LRP1B: variants seen among roughly 807,000 people sequenced by gnomAD.
The protein encoded by LRP1B is low-density lipoprotein receptor-related protein 1B.
In LRP1B, 217 loss-of-function variants were observed where a neutral mutation model predicts 556.6. That is an observed-to-expected ratio of 0.39 (90% CI 0.35 to 0.44). The LOEUF is 0.44. Among genes scored for constraint, LRP1B ranks in the 20% least tolerant of loss-of-function variants. The pLI is 1.00. For missense variants in LRP1B, 5,053 were observed against 5,620.8 expected, an observed-to-expected ratio of 0.90 and a Z score of 3.23; for synonymous variants, 2,047 against 1,865.8, an observed-to-expected ratio of 1.10 and a Z score of -2.50.
intron 2 of LRP1B, among the ~76,000 whole-genome samples, chr2:141,571,790 G>T (rs1043402290): frequency 3.3e-5 from 5 of 151,764 alleles, no homozygotes; most frequent in African/African-American, 1.2e-4. Flanking sequence ...TTATACACAG[G>T]TATCAACAGC....
chr2:141,926,916 T>C (rs1031128984), intron 1 of LRP1B, among the ~76,000 whole-genome samples: 1 of 152,168 alleles, frequency 6.6e-6, no homozygotes, highest in African/African-American at 2.4e-5. Flanking sequence ...AAAGAATGTA[T>C]GTACATATGA....
At chr2:141,874,283 C>T (rs942517567) in intron 1 of LRP1B, among the ~76,000 whole-genome samples, 2 of 151,596 alleles carry the variant, frequency 1.3e-5, no homozygotes, top group African/African-American at 2.4e-5. Context: ...CTGTTGATCA[C>T]AATTTTACTA....
At position 141,127,062 on chromosome 2, in the gene LRP1B, A is replaced by G. The variant is rs1377965393; in HGVS notation, c.1013+61359T>C. Among the ~76,000 whole-genome samples the G allele has an allele frequency of 2.9e-5, 4 of 139,182 alleles. No individual in the cohort carries two copies. The East Asian group carries it at 6.3e-4, about 22-fold the overall frequency. The allele number at this position is 139,182 out of a possible 152,430, so 91.3% of individuals were successfully genotyped here. A position where few individuals can be genotyped will look rare whatever the true frequency, so the allele number is the denominator to read the frequency against. On this transcript the variant is annotated intron_variant, in intron 7 of 90. Transcript: ENST00000389484. ...GTGTGATGTTCCCCTCCCTGTGTCC[A>G]TGTGTTCTCATTGTTCAGCTCTCAC...
At chr2:140,294,972 G>T (rs1683541162) in intron 84 of LRP1B, among the ~76,000 whole-genome samples, 1 of 152,140 alleles carries the variant, frequency 6.6e-6, no homozygotes, top group Admixed American at 6.5e-5. Context: ...CACCTCCTGG[G>T]TTCACGCCAT....
At chr2:141,584,649 C>T (rs1687067534) in intron 2 of LRP1B, among the ~76,000 whole-genome samples, 1 of 152,116 alleles carries the variant, frequency 6.6e-6, no homozygotes, top group African/African-American at 2.4e-5. Flanking sequence ...CCTTCAAACA[C>T]ACACACAACT....
chr2:140,379,331 C>T (rs935691851), intron 67 of LRP1B, among the ~76,000 whole-genome samples: 1 of 152,152 alleles, frequency 6.6e-6, no homozygotes, highest in Non-Finnish European at 1.5e-5. Flanking sequence ...TACACAATCC[C>T]TTGGTTTCTA....
intron 1 of LRP1B, among the ~76,000 whole-genome samples, chr2:141,837,538 C>G (rs1225175181): frequency 6.6e-6 from 1 of 152,018 alleles, no homozygotes. Context: ...GCTAGAAGCA[C>G]TAATTGATTA....
At chr2:141,474,998 C>G (rs900724146) in intron 3 of LRP1B, among the ~76,000 whole-genome samples, 4 of 152,122 alleles carry the variant, frequency 2.6e-5, no homozygotes, top group African/African-American at 9.7e-5. Context: ...TTTCACTGAC[C>G]TCTGAACTTT....
chr2:141,529,984 C>T (rs1348611356), intron 2 of LRP1B, among the ~76,000 whole-genome samples: 1 of 152,086 alleles, frequency 6.6e-6, no homozygotes, highest in African/African-American at 2.4e-5. Context: ...TGATATACAG[C>T]AAGGACATCA....
At chr2:141,492,470 A>G (rs1387647652) in intron 2 of LRP1B, among the ~76,000 whole-genome samples, 4 of 152,174 alleles carry the variant, frequency 2.6e-5, no homozygotes, top group African/African-American at 7.2e-5. Flanking sequence ...GACAATGTGT[A>G]GAAAGATCTG....
At chr2:140,483,186 A>C (rs1339964858) in intron 59 of LRP1B, among the ~76,000 whole-genome samples, 1 of 152,292 alleles carries the variant, frequency 6.6e-6, no homozygotes, top group Admixed American at 6.5e-5. Context: ...TGACATATCT[A>C]TATCATAATC....
At chr2:142,109,411 G>C (rs1706880503) in intron 1 of LRP1B, among the ~76,000 whole-genome samples, 1 of 152,086 alleles carries the variant, frequency 6.6e-6, no homozygotes, top group Non-Finnish European at 1.5e-5. Context: ...TAACTCACTT[G>C]AACACCCTAG....
chr2:140,606,245 A>G (rs1450525072), intron 41 of LRP1B, among the ~76,000 whole-genome samples: 1 of 152,014 alleles, frequency 6.6e-6, no homozygotes, highest in Non-Finnish European at 1.5e-5. Context: ...AAATGACATT[A>G]AAAAGACAAT....
intron 2 of LRP1B, among the ~76,000 whole-genome samples, chr2:141,513,315 T>C (rs1574031742): frequency 6.6e-6 from 1 of 152,240 alleles, no homozygotes; most frequent in East Asian, 1.9e-4. Context: ...TTGGCTTTTA[T>C]AGAAATTAAT....
At chr2:141,346,733 C>T (rs1305805231) in intron 3 of LRP1B, among the ~76,000 whole-genome samples, 1 of 152,176 alleles carries the variant, frequency 6.6e-6, no homozygotes, top group Non-Finnish European at 1.5e-5. Flanking sequence ...TGAGAAGCAT[C>T]TTGTGCCATC....
rs146125832 is a variant in LRP1B, at chr2:140,349,754, C to T, written c.11892+1043G>A. ...AAGCAGATTTCTGTTTTAGAGCTAA[C>T]GAAAGTTAATGTTAGCTATTGTGTT... On this transcript the variant is annotated intron_variant, in intron 77 of 90. Coordinates refer to ENST00000389484, the MANE Select transcript of LRP1B (RefSeq NM_018557.3). Among the ~76,000 whole-genome samples the T allele has an allele frequency of 1.2e-4, 19 of 152,064 alleles. No homozygotes were observed. The East Asian group carries it at 3.1e-3, about 25-fold the overall frequency.
chr2:140,813,605 A>G (rs1691002508), intron 32 of LRP1B, 52 bp downstream of exon 32: 1 of 1,550,262 alleles, frequency 6.5e-7, no homozygotes, highest in Non-Finnish European at 8.9e-7. Flanking sequence ...GTCATAATAA[A>G]TCAACCCCCA....
chr2:141,901,463 A>C (rs967088078), intron 1 of LRP1B, among the ~76,000 whole-genome samples: 1 of 151,990 alleles, frequency 6.6e-6, no homozygotes, highest in Non-Finnish European at 1.5e-5. Flanking sequence ...TCAGTATAAA[A>C]AGCATGAACA....
rs1377762938 is a variant in LRP1B at position 140,553,443 on chromosome 2, A to ACT, written c.7195-11473_7195-11472insAG. Among the ~76,000 whole-genome samples, 79 of 151,670 alleles carry ACT rather than the reference A, an allele frequency of 5.2e-4. No homozygotes were observed. The East Asian group carries it at 0.013, about 26-fold the overall frequency. On this transcript the variant is annotated intron_variant, in intron 43 of 90. Coordinates refer to ENST00000389484, the MANE Select transcript of LRP1B (RefSeq NM_018557.3). ...TCTTAACACACACACACACACACAC[A>ACT]CACACATGCAATAAAGTTCCTTAAT...
Sources: gnomAD v4.1 joint callset for allele counts (sites outside exome capture counted in the v4.1 genomes callset) on GRCh38, gnomAD v4.1.1 for gene constraint, MANE v1.5 for transcripts, NCBI Gene and HGNC (gene_info 2026-07-23, HGNC 2026-07-21) for gene names.